Variants in PTPRK observed in about 807,000 individuals in gnomAD.
PTPRK encodes receptor-type tyrosine-protein phosphatase kappa.
Under a neutral mutation model 178.0 loss-of-function variants are expected in PTPRK, and 75 were observed. The ratio of observed to expected loss-of-function variants is 0.42; its 90% confidence interval spans 0.35 to 0.51. PTPRK has a LOEUF of 0.51. PTPRK is among the 20% of genes least tolerant of loss of function. The pLI, the probability that PTPRK is intolerant of heterozygous loss-of-function variation, is 0.02. For synonymous variants in PTPRK, 637 were observed against 620.6 expected, an observed-to-expected ratio of 1.03 and a Z score of -0.39; for missense variants, 1,441 against 1,797.8, an observed-to-expected ratio of 0.80 and a Z score of 3.59.
At chr6:128,273,851 C>T (rs1820294562) in intron 3 of PTPRK, among the ~76,000 whole-genome samples, 1 of 152,094 alleles carries the variant, frequency 6.6e-6, no homozygotes, top group African/African-American at 2.4e-5. Context: ...TACATGCTTT[C>T]TCCTCACTAT....
intron 7 of PTPRK, among the ~76,000 whole-genome samples, chr6:128,175,408 T>C (rs1800910824): frequency 6.6e-6 from 1 of 151,860 alleles, no homozygotes; most frequent in Non-Finnish European, 1.5e-5. Context: ...TTCATGATCT[T>C]CACCGCGGCT....
At chr6:128,148,646 T>C (rs1189230956) in intron 7 of PTPRK, among the ~76,000 whole-genome samples, 3 of 152,132 alleles carry the variant, frequency 2.0e-5, no homozygotes, top group Non-Finnish European at 4.4e-5. Flanking sequence ...GTTACAGATA[T>C]ACTATTAGCA....
At chr6:128,126,249 G>A (rs1183075894) in intron 7 of PTPRK, among the ~76,000 whole-genome samples, 1 of 151,962 alleles carries the variant, frequency 6.6e-6, no homozygotes, top group African/African-American at 2.4e-5. Flanking sequence ...CCCAGCGTGT[G>A]ATGTTCCCCT....
chr6:128,464,183 T>TA (rs1849449650), intron 1 of PTPRK, among the ~76,000 whole-genome samples: 2 of 151,878 alleles, frequency 1.3e-5, no homozygotes, highest in South Asian at 4.2e-4. Context: ...AGCCAAACTA[T>TA]AAAAAATACA....
chr6:128,468,310 T>C (rs1030090838), intron 1 of PTPRK, among the ~76,000 whole-genome samples: 16 of 152,076 alleles, frequency 1.1e-4, no homozygotes, highest in Non-Finnish European at 1.9e-4. Flanking sequence ...TGTATGCATA[T>C]ACACACACAC....
chr6:128,455,864 G>A (rs568206978), intron 1 of PTPRK, among the ~76,000 whole-genome samples: 1 of 152,156 alleles, frequency 6.6e-6, no homozygotes, highest in South Asian at 2.1e-4. Context: ...AAAATGTCCA[G>A]ACACAATTTA....
intron 3 of PTPRK, among the ~76,000 whole-genome samples, chr6:128,283,825 G>C (rs1346353330): frequency 6.6e-6 from 1 of 152,058 alleles, no homozygotes; most frequent in Non-Finnish European, 1.5e-5. Flanking sequence ...AATCTTTCTG[G>C]TATCTATTCT....
In PTPRK at chr6:128,322,091, T is replaced by G; in HGVS notation, c.443A>C (p.Asp148Ala). Residue 148 changes from aspartate to alanine, a missense_variant, in exon 3 of 30, where the codon GAT (aspartate) becomes GCT (alanine). Physicochemically the swap from Asp to Ala is moderately radical, Grantham distance 126. Coordinates refer to ENST00000368226, the MANE Select transcript of PTPRK (RefSeq NM_002844.4). ...CACTGCTAGCTCAGCCCGAAGCCAA[T>G]CTCTACCCGTGAATCCAGTCACATT... Reference protein sequence around the residue: ...IWNVTGFTGRDWLRAELAVST... With the variant: ...IWNVTGFTGRAWLRAELAVST... 1.2e-6 allele frequency: 2 copies of G among 1,613,918 alleles called. No homozygotes were observed. The highest frequency in any genetic ancestry group is 1.7e-6 in the Non-Finnish European group (2 of 1,179,926).
At chr6:128,272,491 A>T (rs1019579526) in intron 3 of PTPRK, among the ~76,000 whole-genome samples, 6 of 152,160 alleles carry the variant, frequency 3.9e-5, no homozygotes, top group Admixed American at 3.9e-4. Flanking sequence ...GAATCTACAA[A>T]GAACTTAAAC....
At chr6:127,998,151 A>T (rs933044738) in intron 16 of PTPRK, among the ~76,000 whole-genome samples, 1 of 152,094 alleles carries the variant, frequency 6.6e-6, no homozygotes, top group Non-Finnish European at 1.5e-5. Flanking sequence ...TAAGGTTGGA[A>T]GAAGAATTTC....
At chr6:128,217,451 G>T (rs1420945805) in intron 6 of PTPRK, among the ~76,000 whole-genome samples, 1 of 152,160 alleles carries the variant, frequency 6.6e-6, no homozygotes, top group African/African-American at 2.4e-5. Context: ...TAGTGGAAAA[G>T]AATGAGCTCA....
intron 2 of PTPRK, among the ~76,000 whole-genome samples, chr6:128,354,565 TCA>T (rs1833713388): frequency 6.6e-6 from 1 of 152,200 alleles, no homozygotes; most frequent in Non-Finnish European, 1.5e-5. Context: ...ACGATATATC[TCA>T]CACATTCTAA....
chr6:128,443,470 A>T (rs555466777), intron 1 of PTPRK, among the ~76,000 whole-genome samples: 1 of 152,324 alleles, frequency 6.6e-6, no homozygotes, highest in East Asian at 1.9e-4. Context: ...AAATTATCAT[A>T]TTATAATCCA....
intron 1 of PTPRK, among the ~76,000 whole-genome samples, chr6:128,427,847 C>T (rs996277077): frequency 6.6e-6 from 1 of 152,108 alleles, no homozygotes; most frequent in Non-Finnish European, 1.5e-5. Flanking sequence ...AATCCCAGCA[C>T]TATGGGAGGC....
At chr6:128,271,645 T>G (rs1819839522) in intron 3 of PTPRK, among the ~76,000 whole-genome samples, 2 of 152,110 alleles carry the variant, frequency 1.3e-5, no homozygotes, top group Admixed American at 1.3e-4. Flanking sequence ...TCAATCAAAG[T>G]TTAAAGCATT....
chr6:128,005,402 TCAAA>T (rs973585170), intron 14 of PTPRK, among the ~76,000 whole-genome samples, 158 bp from the exon 15 acceptor site: 9 of 151,690 alleles, frequency 5.9e-5, no homozygotes, highest in African/African-American at 2.2e-4. Context: ...AGTTTGACAT[TCAAA>T]CAATTATATT....
intron 13 of PTPRK, among the ~76,000 whole-genome samples, chr6:128,042,626 T>A (rs1337879275): frequency 1.3e-5 from 2 of 152,088 alleles, no homozygotes; most frequent in Non-Finnish European, 2.9e-5. Context: ...AAATGCAGAA[T>A]AACTTTTCCA....
intron 1 of PTPRK, among the ~76,000 whole-genome samples, chr6:128,427,042 T>C (rs1238870961): frequency 6.6e-6 from 1 of 152,200 alleles, no homozygotes; most frequent in Non-Finnish European, 1.5e-5. Context: ...TCCTTTAATG[T>C]AGTTCCCCAT....
In PTPRK at chr6:128,443,090, A is replaced by AC. The variant is rs1470760356; in HGVS notation, c.101-45403_101-45402insG. 3.9e-5 allele frequency among the ~76,000 whole-genome samples: 6 copies of AC among 152,270 alleles called. No homozygotes were observed. In the East Asian group the frequency reaches 1.2e-3, roughly 29 times the overall value. On this transcript the variant is annotated intron_variant, in intron 1 of 29. Transcript: ENST00000368226. ...TGATAACATAGTACACTTCACAAAA[A>AC]AAAAACCAAAAACAATAAGATTAAT...
Sources: allele counts gnomAD v4.1 joint callset (sites outside exome capture counted in the v4.1 genomes callset), GRCh38; gene constraint gnomAD v4.1.1; transcripts MANE v1.5; gene names NCBI Gene and HGNC (gene_info 2026-07-23, HGNC 2026-07-21).